PIP5K1C: variants seen among roughly 807,000 people sequenced by gnomAD.
PIP5K1C encodes phosphatidylinositol 4-phosphate 5-kinase type-1 gamma.
A neutral mutation model predicts 80.1 loss-of-function variants in PIP5K1C; 45 were observed. The ratio of observed to expected loss-of-function variants is 0.56; its 90% CI spans 0.44 to 0.72. The LOEUF (loss-of-function observed/expected upper bound fraction) is 0.72. Among genes scored for constraint, PIP5K1C ranks in the 30% least tolerant of loss-of-function variants. The probability of loss-of-function intolerance (pLI) is 0.00; values close to 1 mark genes in which losing one functional copy is unlikely to be tolerated. For missense variants in PIP5K1C, 753 were observed against 954.6 expected (o/e 0.79, Z 2.78); for synonymous variants, 498 against 420.1 (o/e 1.19, Z -2.27).
chr19:3,661,939 C>T lies in PIP5K1C; in HGVS notation c.282G>A (p.Leu94=), dbSNP rs761900689. 1.2e-6 allele frequency: 2 copies of T among 1,612,026 alleles called. No individual in the cohort carries two copies. The highest frequency in any genetic ancestry group is 1.7e-6 in the Non-Finnish European group (2 of 1,179,704). The change falls in exon 4 of 18, where the codon CTG becomes CTA. Residue 94 remains leucine (L), a synonymous_variant. Transcript: ENST00000335312. ...QLGIGYTVGH[L]SSKPERDVLM... ...GCACGTCGCGTTCGGGCTTGGAGCTCAGGTGGCCCACGGTGTAGCCGATGC... is the reference window on the plus strand; with the variant it reads ...GCACGTCGCGTTCGGGCTTGGAGCTTAGGTGGCCCACGGTGTAGCCGATGC...
At chr19:3,697,499 G>T (rs1381758025) in intron 1 of PIP5K1C, among the ~76,000 whole-genome samples, 4 of 152,074 alleles carry the variant, frequency 2.6e-5, no homozygotes, top group Non-Finnish European at 5.9e-5. Flanking sequence ...GACCGAGCTG[G>T]ACCAGGGAGG....
chr19:3,698,557 C>G (rs541244457), intron 1 of PIP5K1C, among the ~76,000 whole-genome samples: 2 of 152,244 alleles, frequency 1.3e-5, no homozygotes, highest in Non-Finnish European at 2.9e-5. Flanking sequence ...GGACACTGAA[C>G]GGTGTCTGGG....
chr19:3,644,440 G>A (rs1192101780), intron 11 of PIP5K1C, among the ~76,000 whole-genome samples, 189 bp from the exon 12 acceptor site: 1 of 152,142 alleles, frequency 6.6e-6, no homozygotes, highest in Non-Finnish European at 1.5e-5. Context: ...CTGCGAGCCC[G>A]AGTTCCCTGT....
At chr19:3,660,087 C>T (rs544625079) in intron 5 of PIP5K1C, among the ~76,000 whole-genome samples, 153 of 152,272 alleles carry the variant, frequency 1.0e-3, no homozygotes, top group African/African-American at 3.6e-3. Flanking sequence ...CCTGGAATCC[C>T]AGCACTTCGG....
intron 1 of PIP5K1C, among the ~76,000 whole-genome samples, chr19:3,678,521 GGGAGGGATGGAT>G (rs777223875): frequency 2.9e-4 from 34 of 118,376 alleles, no homozygotes; most frequent in Non-Finnish European, 3.5e-4. Context: ...GTGGGATGGA[GGGAGGGATGGAT>G]GGAGGGAGGG....
chr19:3,641,216 C>A (rs1463577379), intron 15 of PIP5K1C, among the ~76,000 whole-genome samples: 1 of 149,212 alleles, frequency 6.7e-6, no homozygotes, highest in Non-Finnish European at 1.5e-5. Context: ...TCCTGTCTCA[C>A]AAAAAAAATT....
Position 3,641,723 on chromosome 19 carries a change from G to T in PIP5K1C, c.1769C>A (p.Pro590His). The T allele has an allele frequency of 6.2e-7, 1 of 1,609,372 alleles. No individual in the cohort carries two copies. The highest frequency in any genetic ancestry group is 2.2e-5 in the East Asian group (1 of 44,880). The change falls in exon 15 of 18, where the codon CCC becomes CAC. Residue 590 changes from proline to histidine, a missense_variant. Physicochemically the swap from Pro to His is moderately conservative, Grantham distance 77. Coordinates refer to ENST00000335312, the MANE Select transcript of PIP5K1C (RefSeq NM_012398.3). ...EPACSVEIVVPKEEDAGVEAS... is the reference protein window; with the variant it reads ...EPACSVEIVVHKEEDAGVEAS... ...TGCTCACCCTGCGTCCTCCTCTTTG[G>T]GGACCACAATCTCCACGCTGCACGC... is the stretch of plus-strand genomic sequence containing the variant.
In PIP5K1C at chr19:3,644,168, C is replaced by A; in HGVS notation, c.1429G>T (p.Ala477Ser). The A allele has an allele frequency of 6.2e-7, 1 of 1,612,314 alleles. No individual in the cohort carries two copies. The highest frequency in any genetic ancestry group is 8.5e-7 in the Non-Finnish European group (1 of 1,179,880). ...KPLGPTAAFS[A>S]SQIPSEREEA... ...TCCCGCTCGCTAGGGATCTGGCTGG[C>A]CGAGAAGGCAGCGGTGGGCCCCAGC... is the stretch of plus-strand genomic sequence containing the variant. Residue 477 changes from alanine (A) to serine (S), a missense_variant, in exon 12 of 18, where the codon GCC becomes TCC. Ala to Ser is a moderately conservative substitution (Grantham distance 99). Around this residue, in one of 6 missense-constraint regions of PIP5K1C, gnomAD observed 315 missense variants for 294.5 expected, o/e 1.07. Transcript: ENST00000335312.
chr19:3,646,070 TTGGGG>T lies in PIP5K1C; in HGVS notation c.1261-17_1261-13del. 6.6e-7 allele frequency: 1 copy of T among 1,521,114 alleles called. No individual in the cohort carries two copies. Among genetic ancestry groups the T allele is most frequent in the African/African-American group, 1.4e-5 (1 of 70,678 alleles). The allele number at this position is 1,521,114 out of a possible 1,614,324, so 94.2% of individuals were successfully genotyped here. On this transcript the variant is annotated splice_polypyrimidine_tract_variant and intron_variant, in intron 10 of 17. Transcript: ENST00000335312. ...ACGGACACCGTGTCCTGGAAGAGAG[TTGGGG>T]GGGGTGCCCGGGGGCAGAGGGTGCA...
intron 11 of PIP5K1C, among the ~76,000 whole-genome samples, chr19:3,644,583 T>C (rs1424854499): frequency 6.6e-6 from 1 of 152,176 alleles, no homozygotes; most frequent in Non-Finnish European, 1.5e-5. Flanking sequence ...ACCCCTTCTA[T>C]GTGCGGCCCA....
At chr19:3,683,767 A>AGG (rs1285378170) in intron 1 of PIP5K1C, among the ~76,000 whole-genome samples, 14 of 152,274 alleles carry the variant, frequency 9.2e-5, no homozygotes, top group Non-Finnish European at 1.9e-4. Flanking sequence ...CACAGCCAGT[A>AGG]CGGAGGCCCC....
At chr19:3,700,117 C>A (rs1166114675) in intron 1 of PIP5K1C, among the ~76,000 whole-genome samples, 180 bp downstream of exon 1, 1 of 151,928 alleles carries the variant, frequency 6.6e-6, no homozygotes, top group African/African-American at 2.4e-5. Context: ...CCTCCCGCTT[C>A]CCGGCGCGGC....
Position 3,663,475 on chromosome 19 carries a change from C to T in PIP5K1C, c.219+1347G>A, listed in dbSNP as rs557827865. Among the ~76,000 whole-genome samples, 58 of 152,296 alleles carry T rather than the reference C, an allele frequency of 3.8e-4. 1 individual carries two copies. The highest frequency in any genetic ancestry group is 2.7e-3 in the South Asian group (13 of 4,826). On this transcript the variant is annotated intron_variant, in intron 3 of 17. Transcript: ENST00000335312. Reference sequence around the variant, plus strand: ...CATGTGCCCAAAGATAACATACAAACGGCCCTGAAGCCCGCAAAGACGCTC... The same window carrying T: ...CATGTGCCCAAAGATAACATACAAATGGCCCTGAAGCCCGCAAAGACGCTC...
rs2033750906 is a variant in PIP5K1C, at chr19:3,637,589, A to C, written c.1920+1295T>G. 1 of 1,533,738 alleles carries C rather than the reference A, an allele frequency of 6.5e-7. No individual in the cohort carries two copies. The highest frequency in any genetic ancestry group is 8.7e-7 in the Non-Finnish European group (1 of 1,145,702). ...CGCAGTCGGCGATGGCGGGGAGAGT[A>C]AATCCAGTACCTCCCATCCGTGAAC... On this transcript the variant is annotated intron_variant, in intron 16 of 17. Transcript: ENST00000335312. This position sits in a 1 kb window ranked among gnomAD's most constrained non-coding sequence, Gnocchi z 7.0.
chr19:3,648,021 TTC>T lies in PIP5K1C; in HGVS notation c.1211+602_1211+603del, dbSNP rs386806041. On this transcript the variant is annotated intron_variant, in intron 9 of 17. Coordinates refer to ENST00000335312, the MANE Select transcript of PIP5K1C (RefSeq NM_012398.3). The surrounding 1 kb of genome is among the most constrained non-coding windows in gnomAD (Gnocchi z 4.3). ...AGGCCTCAAACCCACTCCTTGGATTTTCTTTTTTCTTTTTTTTTGGGACAGGG... is the reference window on the plus strand; with the variant it reads ...AGGCCTCAAACCCACTCCTTGGATTTTTTTTTCTTTTTTTTTGGGACAGGG... Among the ~76,000 whole-genome samples, 1 of 152,032 alleles carries T rather than the reference TTC, an allele frequency of 6.6e-6. No homozygotes were observed. Among genetic ancestry groups the T allele is most frequent in the Non-Finnish European group, 1.5e-5 (1 of 67,972 alleles).
chr19:3,684,908 C>A (rs1303268435), intron 1 of PIP5K1C, among the ~76,000 whole-genome samples: 4 of 152,206 alleles, frequency 2.6e-5, no homozygotes, highest in Admixed American at 2.0e-4. Context: ...CAGGGCCAGA[C>A]ACGTGAATCT....
chr19:3,660,864 A>C, intron 5 of PIP5K1C, 102 bp downstream of exon 5: 1 of 873,458 alleles, frequency 1.1e-6, no homozygotes, highest in South Asian at 1.3e-5. Flanking sequence ...CTACACGAGG[A>C]ACCCAGGGAG....
chr19:3,665,933 A>G (rs561172936), intron 2 of PIP5K1C, among the ~76,000 whole-genome samples: 3 of 152,160 alleles, frequency 2.0e-5, no homozygotes, highest in South Asian at 2.1e-4. Flanking sequence ...TATCAGCCCC[A>G]GGGACACGCC....
At chr19:3,668,877 G>T (rs954967847) in intron 1 of PIP5K1C, among the ~76,000 whole-genome samples, 2 of 152,210 alleles carry the variant, frequency 1.3e-5, no homozygotes, top group Admixed American at 1.3e-4. Flanking sequence ...GCAGCACAAA[G>T]GTCACAAGGT....
Sources: gnomAD v4.1 joint callset for allele counts (sites outside exome capture counted in the v4.1 genomes callset) on GRCh38, gnomAD v4.1.1 for gene constraint, gnomAD v4.1.1 regional missense constraint, Gnocchi (gnomAD v3.1) non-coding constraint, MANE v1.5 for transcripts, NCBI Gene and HGNC (gene_info 2026-07-23, HGNC 2026-07-21) for gene names.